Variants in SCRIB observed in about 807,000 individuals in gnomAD.
The protein encoded by SCRIB is scribble planar cell polarity protein, also known as protein scribble homolog.
A neutral mutation model predicts 170.0 loss-of-function variants in SCRIB; 72 were observed. The observed-to-expected ratio is 0.42, with a 90% confidence interval of 0.35 to 0.52. SCRIB has a LOEUF of 0.52. SCRIB is among the 20% of genes least tolerant of loss of function. The probability of loss-of-function intolerance (pLI) is 0.02; values close to 1 mark genes in which losing one functional copy is unlikely to be tolerated. For missense variants in SCRIB, 2,475 were observed against 2,338.5 expected (o/e 1.06, Z -1.20); for synonymous variants, 1,298 against 1,044.3 (o/e 1.24, Z -4.68).
chr8:143,805,867 T>C (rs1292849136), intron 18 of SCRIB, among the ~76,000 whole-genome samples: 1 of 152,156 alleles, frequency 6.6e-6, no homozygotes, highest in Non-Finnish European at 1.5e-5. Context: ...ACGCAGCATA[T>C]GAGCCCTGGG....
In SCRIB at chr8:143,814,125, G is replaced by A. The variant is rs1421208152; in HGVS notation, c.160-7C>T. 1.1e-5 allele frequency: 17 copies of A among 1,551,100 alleles called. No individual in the cohort carries two copies. The highest frequency in any genetic ancestry group is 1.4e-5 in the Non-Finnish European group (16 of 1,146,564). On this transcript the variant is annotated splice_polypyrimidine_tract_variant and splice_region_variant and intron_variant, in intron 1 of 36. Coordinates refer to ENST00000356994, the MANE Select transcript of SCRIB (RefSeq NM_182706.5). Reference sequence around the variant, plus strand: ...TCAGCAGCCGGAAAAAAGGCTGTGGGCAGGGAGGACACGGACTCTGTGGCA... The same window carrying A: ...TCAGCAGCCGGAAAAAAGGCTGTGGACAGGGAGGACACGGACTCTGTGGCA...
chr8:143,791,616 G>A (rs1554632649), intron 35 of SCRIB, 50 bp downstream of exon 35: 2 of 1,533,116 alleles, frequency 1.3e-6, no homozygotes, highest in Non-Finnish European at 1.8e-6. Flanking sequence ...TGGGGGCGGT[G>A]GCAGGCACGG....
chr8:143,792,922 C>T (rs1814767789), intron 29 of SCRIB, 54 bp downstream of exon 29: 2 of 1,500,602 alleles, frequency 1.3e-6, no homozygotes, highest in Non-Finnish European at 1.8e-6. Flanking sequence ...TACTGGGGCC[C>T]CCGGGCACCC....
rs939035309 is a variant in SCRIB at position 143,812,951 on chromosome 8, T to C, written c.653A>G (p.Asn218Ser). 6.2e-7 allele frequency: 1 copy of C among 1,612,638 alleles called. No homozygotes were observed. The highest frequency in any genetic ancestry group is 8.5e-7 in the Non-Finnish European group (1 of 1,179,896). ...GTCCAGGCACACCAGGCGCCGCAGG[T>C]TCCCGAGCTCCTGCAGGTGGGCAGA... ...QLSALPPELG[N>S]LRRLVCLDVS... Residue 218 changes from asparagine to serine, a missense_variant, in exon 8 of 37, where the codon AAC (asparagine) becomes AGC (serine). Physicochemically the swap from Asn to Ser is conservative, Grantham distance 46. Coordinates refer to ENST00000356994, the MANE Select transcript of SCRIB (RefSeq NM_182706.5).
chr8:143,809,575 T>C lies in SCRIB; in HGVS notation c.1674A>G (p.Glu558=). 6.2e-7 allele frequency: 1 copy of C among 1,611,532 alleles called. No homozygotes were observed. Among genetic ancestry groups the C allele is most frequent in the Non-Finnish European group, 8.5e-7 (1 of 1,179,704 alleles). ...CCTCCTGGTAGTCCTCTTCGGCGTC[T>C]TCCTCCCCGCCAGCAGTCGTGGCTT... ...QQEATTAGGE[E]DAEEDYQEPT... The change falls in exon 14 of 37, where the codon GAA becomes GAG. Residue 558 remains glutamate, a synonymous_variant. Transcript: ENST00000356994.
rs550111520 is a variant in SCRIB at position 143,791,068 on chromosome 8, T to C, written c.*95A>G. On this transcript the variant is annotated 3_prime_UTR_variant, in exon 37 of 37. Coordinates refer to ENST00000356994, the MANE Select transcript of SCRIB (RefSeq NM_182706.5). ...GGCCAGAACTCCTGTGGGGTCTCTT[T>C]AAAATGCTAACACCCAGGTTAAAAG... 4 of 1,297,886 alleles carry C rather than the reference T, an allele frequency of 3.1e-6. No homozygotes were observed. In the South Asian group the frequency reaches 9.7e-5, roughly 31 times the overall value. The allele number at this position is 1,297,886 out of a possible 1,614,324, so 80.4% of individuals were successfully genotyped here. A position where few individuals can be genotyped will look rare whatever the true frequency, so the allele number is the denominator to read the frequency against.
intron 2 of SCRIB, 22 bp from the exon 3 acceptor site, chr8:143,813,918 G>A (rs754246664): frequency 1.1e-5 from 18 of 1,604,536 alleles, no homozygotes; most frequent in Non-Finnish European, 1.5e-5. Context: ...GGTCACAGTG[G>A]ACAGATGCCA....
chr8:143,806,828 T>C (rs1323792970), intron 17 of SCRIB, 96 bp downstream of exon 17: 10 of 907,890 alleles, frequency 1.1e-5, no homozygotes, highest in Middle Eastern at 3.2e-4. Context: ...CCAGAGCGTG[T>C]GAGTGTTCTC....
intron 21 of SCRIB, among the ~76,000 whole-genome samples, 184 bp downstream of exon 21, chr8:143,804,384 G>A (rs1379556668): frequency 6.6e-6 from 1 of 152,250 alleles, no homozygotes; most frequent in African/African-American, 2.4e-5. Flanking sequence ...CTGTGTCAAG[G>A]GGACCATACT....
At position 143,815,585 on chromosome 8, in the gene SCRIB, C is replaced by T. The variant is rs1400800036; in HGVS notation, c.-213G>A. 4 of 981,550 alleles carry T rather than the reference C, an allele frequency of 4.1e-6. No individual in the cohort carries two copies. The highest frequency in any genetic ancestry group is 1.8e-5 in the African/African-American group (1 of 56,720). 60.8% of individuals were successfully genotyped at this position (981,550 alleles called of 1,614,324 possible). On this transcript the variant is annotated 5_prime_UTR_variant, in exon 1 of 37. Coordinates refer to ENST00000356994, the MANE Select transcript of SCRIB (RefSeq NM_182706.5). ...GCGGGCCTGGGCAGGGGGCGCGGCCCGGCGGGTCTCAGACTCTTAGGAAGC... is the reference window on the plus strand; with the variant it reads ...GCGGGCCTGGGCAGGGGGCGCGGCCTGGCGGGTCTCAGACTCTTAGGAAGC...
chr8:143,811,487 C>T, intron 9 of SCRIB, 142 bp from the exon 10 acceptor site: 1 of 707,574 alleles, frequency 1.4e-6, no homozygotes, highest in Non-Finnish European at 2.4e-6. Flanking sequence ...GGGACAAGGA[C>T]CTGACCACAG....
At chr8:143,794,924 A>C in intron 27 of SCRIB, 114 bp downstream of exon 27, 1 of 1,036,084 alleles carries the variant, frequency 9.7e-7, no homozygotes, top group Non-Finnish European at 1.4e-6. Flanking sequence ...GCCTCCTCCC[A>C]CCCCAGCCCC....
Position 143,805,019 on chromosome 8 carries a change from AG to A in SCRIB, c.2671-6del. ...AATGCGGGAGACGAAGATGCCCTGCAGGGGAGGGTGGAGGAGGCAGGGCTGC... is the reference window on the plus strand; with the variant it reads ...AATGCGGGAGACGAAGATGCCCTGCAGGGAGGGTGGAGGAGGCAGGGCTGC... On this transcript the variant is annotated splice_polypyrimidine_tract_variant and splice_region_variant and intron_variant, in intron 19 of 36. Coordinates refer to ENST00000356994, the MANE Select transcript of SCRIB (RefSeq NM_182706.5). 2 of 1,586,578 alleles carry A rather than the reference AG, an allele frequency of 1.3e-6. No individual in the cohort carries two copies. The highest frequency in any genetic ancestry group is 1.7e-6 in the Non-Finnish European group (2 of 1,169,572).
chr8:143,810,828 G>T lies in SCRIB; in HGVS notation c.1274-12C>A. ...CTGCCCAGCATCCTCTGCAGCAGGT[G>T]AGCGTCAGGACCCAGGCTAGTCCCC... On this transcript the variant is annotated splice_polypyrimidine_tract_variant and intron_variant, in intron 11 of 36. Coordinates refer to ENST00000356994, the MANE Select transcript of SCRIB (RefSeq NM_182706.5). The T allele has an allele frequency of 6.2e-7, 1 of 1,601,488 alleles. No individual in the cohort carries two copies.
At chr8:143,809,822 C>A (rs1815624126) in intron 13 of SCRIB, 104 bp from the exon 14 acceptor site, 1 of 1,326,666 alleles carries the variant, frequency 7.5e-7, no homozygotes, top group East Asian at 2.5e-5. Context: ...TTCCCGCTGC[C>A]CCGACCAGGC....
Position 143,815,387 on chromosome 8 carries a change from G to C in SCRIB, c.-15C>G. On this transcript the variant is annotated 5_prime_UTR_variant, in exon 1 of 37. Transcript: ENST00000356994. Reference sequence around the variant, plus strand: ...CACTTGAGCATGGTGCGGGTGGGCGGCGCGGGCTCCGGCGGCGGCGCTCGG... The same window carrying C: ...CACTTGAGCATGGTGCGGGTGGGCGCCGCGGGCTCCGGCGGCGGCGCTCGG... 7.6e-7 allele frequency: 1 copy of C among 1,316,740 alleles called. No individual in the cohort carries two copies. Among genetic ancestry groups the C allele is most frequent in the Non-Finnish European group, 9.8e-7 (1 of 1,025,608 alleles). The allele number at this position is 1,316,740 out of a possible 1,614,324, so 81.6% of individuals were successfully genotyped here. A position where few individuals can be genotyped will look rare whatever the true frequency, so the allele number is the denominator to read the frequency against.
At chr8:143,794,197 C>G in intron 27 of SCRIB, 1 of 534,520 alleles carries the variant, frequency 1.9e-6, no homozygotes, top group South Asian at 2.7e-5. Flanking sequence ...AGTGTGCTGG[C>G]TGGAGCTTTG....
At position 143,813,508 on chromosome 8, in the gene SCRIB, G is replaced by A. The variant is rs1375504018; in HGVS notation, c.465C>T (p.Thr155=). ...TGAGCAGGTTCTCCCGGAGCTCCAG[G>A]GTCACCAGGTTGGCGAGGCTGAAAG... The part of the protein sequence containing the change: ...GDVGNLANLV[T]LELRENLLKS... The change falls in exon 5 of 37, where the codon ACC becomes ACT. Residue 155 remains threonine, a synonymous_variant. Transcript: ENST00000356994. 2 of 1,613,218 alleles carry A rather than the reference G, an allele frequency of 1.2e-6. No individual in the cohort carries two copies. Among genetic ancestry groups the A allele is most frequent in the East Asian group, 2.2e-5 (1 of 44,878 alleles).
intron 8 of SCRIB, 58 bp downstream of exon 8, chr8:143,812,759 C>T (rs940619596): frequency 2.4e-5 from 37 of 1,571,894 alleles, no homozygotes; most frequent in African/African-American, 1.7e-4. Flanking sequence ...CGACGCCCCA[C>T]GCTCCTCCCA....
Sources: gnomAD v4.1 joint callset for allele counts (sites outside exome capture counted in the v4.1 genomes callset) on GRCh38, gnomAD v4.1.1 for gene constraint, MANE v1.5 for transcripts, NCBI Gene and HGNC (gene_info 2026-07-23, HGNC 2026-07-21) for gene names.